The following FES variants were observed in gnomAD, a reference collection of about 807,000 sequenced individuals.
The protein encoded by FES is tyrosine-protein kinase Fes/Fps.
Under a neutral mutation model 109.6 loss-of-function variants are expected in FES, and 83 were observed. The ratio of observed to expected loss-of-function variants is 0.76; its 90% CI spans 0.63 to 0.91. The LOEUF (loss-of-function observed/expected upper bound fraction) is 0.91, where lower values mean the gene tolerates loss of function less well. FES is among the 40% of genes least tolerant of loss of function. FES has a pLI of 0.00. For missense variants in FES, 943 were observed against 1,070.9 expected, an observed-to-expected ratio of 0.88 and a Z score of 1.67; for synonymous variants, 458 against 442.1, an observed-to-expected ratio of 1.04 and a Z score of -0.45.
In FES at chr15:90,885,104, A is replaced by T; in HGVS notation, c.59A>T (p.Gln20Leu). ...GGCCACGGGGTCCTGCAGCAAATGC[A>T]GGAGGCCGAGCTTCGTCTACTGGAG... ...PQGHGVLQQM[Q>L]EAELRLLEGM... The change falls in exon 2 of 19, where the codon CAG becomes CTG. Residue 20 changes from glutamine to leucine, a missense_variant. Transcript: ENST00000328850. The T allele has an allele frequency of 6.2e-7, 1 of 1,613,832 alleles. No homozygotes were observed. Among genetic ancestry groups the T allele is most frequent in the Non-Finnish European group, 8.5e-7 (1 of 1,180,022 alleles).
Position 90,889,163 on chromosome 15 carries a change from A to C in FES, c.669-143A>C. 1 of 1,006,332 alleles carries C rather than the reference A, an allele frequency of 9.9e-7. No individual in the cohort carries two copies. The highest frequency in any genetic ancestry group is 2.4e-5 in the Admixed American group (1 of 42,098). The allele number at this position is 1,006,332 out of a possible 1,614,324, so 62.3% of individuals were successfully genotyped here. The stretch of plus-strand genomic sequence containing the variant: ...TAGAAGATTAGGGAGAGGTTAAATA[A>C]TTTGCCTAGAGTGGCATGGCTAGCT... On this transcript the variant is annotated intron_variant, in intron 5 of 18. Coordinates refer to ENST00000328850, the MANE Select transcript of FES (RefSeq NM_002005.4). This position sits in a 1 kb window ranked among gnomAD's most constrained non-coding sequence, Gnocchi z 6.1.
chr15:90,886,872 G>A lies in FES; in HGVS notation c.388-89G>A, dbSNP rs768214112. On this transcript the variant is annotated intron_variant, in intron 3 of 18. Coordinates refer to ENST00000328850, the MANE Select transcript of FES (RefSeq NM_002005.4). Reference sequence around the variant, plus strand: ...AGTCTCCAGGTGCTCCTTGCCTGACGACAGGACCTTTCCAGGGCTTCACCC... The same window carrying A: ...AGTCTCCAGGTGCTCCTTGCCTGACAACAGGACCTTTCCAGGGCTTCACCC... The A allele has an allele frequency of 7.1e-6, 9 of 1,266,040 alleles. No homozygotes were observed. The Admixed American group carries it at 1.3e-4, about 18-fold the overall frequency. The allele number at this position is 1,266,040 out of a possible 1,614,324, so 78.4% of individuals were successfully genotyped here.
rs752373657 is a variant in FES at position 90,885,588 on chromosome 15, G to A, written c.387+3G>A. 6.2e-7 allele frequency: 1 copy of A among 1,612,286 alleles called. No homozygotes were observed. Among genetic ancestry groups the A allele is most frequent in the African/African-American group, 1.3e-5 (1 of 74,910 alleles). ...AGCTGCAGCAGGAGCTCACCAAGGT[G>A]AGCGGGCAGCACTGGGGCTTCGGTC... is the stretch of plus-strand genomic sequence containing the variant. On this transcript the variant is annotated splice_donor_region_variant and intron_variant, in intron 3 of 18. Coordinates refer to ENST00000328850, the MANE Select transcript of FES (RefSeq NM_002005.4).
chr15:90,891,250 C>T, intron 11 of FES, 59 bp downstream of exon 11: 2 of 1,520,378 alleles, frequency 1.3e-6, no homozygotes, highest in Non-Finnish European at 1.8e-6. Context: ...CTTCCCTTCC[C>T]CAAGGGAAAT....
chr15:90,889,139 A>G lies in FES; in HGVS notation c.669-167A>G. ...GTCCCTCTTATATATATCAGGAAAT[A>G]GAAGATTAGGGAGAGGTTAAATAAT... On this transcript the variant is annotated intron_variant, in intron 5 of 18. Transcript: ENST00000328850. This position sits in a 1 kb window ranked among gnomAD's most constrained non-coding sequence, Gnocchi z 6.1. 1 of 791,156 alleles carries G rather than the reference A, an allele frequency of 1.3e-6. No homozygotes were observed. Among genetic ancestry groups the G allele is most frequent in the Non-Finnish European group, 2.0e-6 (1 of 505,872 alleles). 49.0% of individuals were successfully genotyped at this position (791,156 alleles called of 1,614,324 possible).
intron 3 of FES, among the ~76,000 whole-genome samples, chr15:90,886,756 C>T (rs1328044229): frequency 3.9e-5 from 6 of 152,232 alleles, no homozygotes; most frequent in Non-Finnish European, 7.4e-5. Flanking sequence ...ACCATTGTAG[C>T]CTGTAGTCTA....
At position 90,890,177 on chromosome 15, in the gene FES, G is replaced by A. The variant is rs759970759; in HGVS notation, c.1135G>A (p.Ala379Thr). Reference sequence around the variant, plus strand: ...GCTGTGCAGCCAGGCCAAGCTGCAGGCCCAGCAGGAGTTGCTGCAGACCAA... The same window carrying A: ...GCTGTGCAGCCAGGCCAAGCTGCAGACCCAGCAGGAGTTGCTGCAGACCAA... ...VALCSQAKLQAQQELLQTKLE... is the reference protein window; with the variant it reads ...VALCSQAKLQTQQELLQTKLE... Residue 379 changes from alanine (A) to threonine (T), a missense_variant, in exon 9 of 19, where the codon GCC becomes ACC. Ala to Thr is a moderately conservative substitution (Grantham distance 58). Transcript: ENST00000328850. The A allele has an allele frequency of 6.2e-6, 10 of 1,601,198 alleles. No individual in the cohort carries two copies. The highest frequency in any genetic ancestry group is 6.8e-6 in the Non-Finnish European group (8 of 1,178,700).
At position 90,884,974 on chromosome 15, in the gene FES, G is replaced by C; in HGVS notation, c.-9-63G>C. ...TGACCCTACAGTCCCCAGTCTCCTCGTCCCATGCCTCCGTCTCCAGCTGCT... is the reference window on the plus strand; with the variant it reads ...TGACCCTACAGTCCCCAGTCTCCTCCTCCCATGCCTCCGTCTCCAGCTGCT... On this transcript the variant is annotated intron_variant, in intron 1 of 18. Transcript: ENST00000328850. 4 of 1,386,112 alleles carry C rather than the reference G, an allele frequency of 2.9e-6. No homozygotes were observed. In the South Asian group the frequency reaches 5.3e-5, roughly 18 times the overall value. The allele number at this position is 1,386,112 out of a possible 1,614,324, so 85.9% of individuals were successfully genotyped here.
At position 90,891,166 on chromosome 15, in the gene FES, G is replaced by A. The variant is rs767203953; in HGVS notation, c.1505G>A (p.Arg502Gln). Residue 502 changes from arginine to glutamine, a missense_variant, in exon 11 of 19, where the codon CGG becomes CAG. Coordinates refer to ENST00000328850, the MANE Select transcript of FES (RefSeq NM_002005.4). The part of the protein sequence containing the change: ...VLSVLWDGLP[R>Q]HFIIQSLDNL... ...TCGGTGCTGTGGGATGGTCTGCCCCGGCACTTCATCATCCAGTCCTTGGAT... is the reference window on the plus strand; with the variant it reads ...TCGGTGCTGTGGGATGGTCTGCCCCAGCACTTCATCATCCAGTCCTTGGAT... 2.1e-5 allele frequency: 33 copies of A among 1,562,294 alleles called. No individual in the cohort carries two copies. The highest frequency in any genetic ancestry group is 2.9e-5 in the Non-Finnish European group (33 of 1,153,476).
chr15:90,887,273 C>T lies in FES; in HGVS notation c.571C>T (p.Arg191Trp), dbSNP rs1320749516. ...AHHNRYVLGV[R>W]AAQLHHQHHH... Reference sequence around the variant, plus strand: ...CCACAACCGCTATGTGCTGGGCGTGCGGGCTGCGCAGCTACACCACCAGCA... The same window carrying T: ...CCACAACCGCTATGTGCTGGGCGTGTGGGCTGCGCAGCTACACCACCAGCA... Residue 191 changes from arginine (R) to tryptophan (W), a missense_variant, in exon 5 of 19, where the codon CGG becomes TGG. Transcript: ENST00000328850. 30 of 1,613,200 alleles carry T rather than the reference C, an allele frequency of 1.9e-5. No homozygotes were observed. The highest frequency in any genetic ancestry group is 5.9e-6 in the Non-Finnish European group (7 of 1,180,054).
At chr15:90,887,584 C>T (rs918369186) in intron 5 of FES, among the ~76,000 whole-genome samples, 1 of 152,226 alleles carries the variant, frequency 6.6e-6, no homozygotes, top group Non-Finnish European at 1.5e-5. Flanking sequence ...TTATTACATT[C>T]ATTGAGCACT....
chr15:90,890,722 G>T lies in FES; in HGVS notation c.1320+238G>T, dbSNP rs1478634707. Among the ~76,000 whole-genome samples, 5 of 844 alleles carry T rather than the reference G, an allele frequency of 5.9e-3. No individual in the cohort carries two copies. In the South Asian group the frequency reaches 0.15, roughly 25 times the overall value. 0.6% of individuals were successfully genotyped at this position (844 alleles called of 152,430 possible). ...CCATGGCTCTCCCTGCTTCAGGAGCGGGTTGGGGGCCTGTGGCCTGGAGGA... is the reference window on the plus strand; with the variant it reads ...CCATGGCTCTCCCTGCTTCAGGAGCTGGTTGGGGGCCTGTGGCCTGGAGGA... On this transcript the variant is annotated intron_variant, in intron 10 of 18. Transcript: ENST00000328850.
intron 5 of FES, among the ~76,000 whole-genome samples, chr15:90,887,817 AG>A (rs985680085): frequency 6.6e-6 from 1 of 152,246 alleles, no homozygotes; most frequent in African/African-American, 2.4e-5. Flanking sequence ...ACATTCAAAG[AG>A]GCCCCTGAGA....
In FES at chr15:90,887,070, C is replaced by G. The variant is rs1187874008; in HGVS notation, c.484+13C>G. 6.2e-7 allele frequency: 1 copy of G among 1,613,928 alleles called. No homozygotes were observed. Among genetic ancestry groups the G allele is most frequent in the South Asian group, 1.1e-5 (1 of 91,080 alleles). The stretch of plus-strand genomic sequence containing the variant: ...GAGGCCAGCAAAGGTTCGTGGCTTC[C>G]CTTGCTGGCAGGGAGGGAATCCGAA... On this transcript the variant is annotated intron_variant, in intron 4 of 18. Coordinates refer to ENST00000328850, the MANE Select transcript of FES (RefSeq NM_002005.4).
chr15:90,891,985 G>C, intron 12 of FES, 73 bp from the exon 13 acceptor site: 1 of 1,581,648 alleles, frequency 6.3e-7, no homozygotes, highest in South Asian at 1.1e-5. Context: ...AAAAAATGGA[G>C]GACACAGCCC....
At chr15:90,891,226 C>T in intron 11 of FES, 35 bp downstream of exon 11, 1 of 1,542,832 alleles carries the variant, frequency 6.5e-7, no homozygotes, top group Non-Finnish European at 8.7e-7. Flanking sequence ...TTCCAGGCCT[C>T]ACTCTTCCCC....
chr15:90,892,306 AG>A, intron 13 of FES, 195 bp downstream of exon 13: 1 of 641,144 alleles, frequency 1.6e-6, no homozygotes, highest in Non-Finnish European at 2.7e-6. Context: ...CCCAGCAGAC[AG>A]CTCTGCCAGC....
At chr15:90,895,295 CAG>C in intron 18 of FES, 119 bp from the exon 19 acceptor site, 2 of 826,956 alleles carry the variant, frequency 2.4e-6, no homozygotes, top group South Asian at 6.7e-5. Flanking sequence ...TGGTGGAGAA[CAG>C]TGCATCCTTC....
chr15:90,885,690 C>T, intron 3 of FES, 105 bp downstream of exon 3: 1 of 1,474,094 alleles, frequency 6.8e-7, no homozygotes, highest in East Asian at 2.4e-5. Flanking sequence ...AGTGTAAGTC[C>T]CTGACCGCAG....
Sources: gnomAD v4.1 joint callset for allele counts (sites outside exome capture counted in the v4.1 genomes callset) on GRCh38, gnomAD v4.1.1 for gene constraint, Gnocchi (gnomAD v3.1) non-coding constraint, MANE v1.5 for transcripts, NCBI Gene and HGNC (gene_info 2026-07-23, HGNC 2026-07-21) for gene names.